SCAPER: variants seen among roughly 807,000 people sequenced by gnomAD.
SCAPER encodes the protein S phase cyclin A-associated protein in the endoplasmic reticulum.
In SCAPER, 98 loss-of-function variants were observed where a neutral mutation model predicts 182.2. The observed-to-expected ratio is 0.54, with a 90% confidence interval of 0.46 to 0.64. SCAPER has a LOEUF of 0.64. SCAPER is among the 30% of genes least tolerant of loss of function. SCAPER has a pLI of 0.00. For missense variants in SCAPER, 1,432 were observed against 1,690.0 expected (o/e 0.85, Z 2.68); for synonymous variants, 605 against 564.6 (o/e 1.07, Z -1.01).
At chr15:76,653,163 G>C (rs2055319223) in intron 21 of SCAPER, among the ~76,000 whole-genome samples, 1 of 151,892 alleles carries the variant, frequency 6.6e-6, no homozygotes, top group Admixed American at 6.6e-5. Flanking sequence ...TGACCAAGGA[G>C]GAGAAAGACT....
chr15:76,603,938 G>A lies in SCAPER; in HGVS notation c.2711+17826C>T, dbSNP rs2050126905. ...TCTGGATATTAGCCCTTTGTCAGAT[G>A]AGTAGGTTGCAAAAATCTTCTCCCA... On this transcript the variant is annotated intron_variant, in intron 22 of 31. Transcript: ENST00000563290. 2.5e-5 allele frequency among the ~76,000 whole-genome samples: 3 copies of A among 121,434 alleles called. 1 individual carries two copies. Among genetic ancestry groups the A allele is most frequent in the Admixed American group, 9.3e-5 (1 of 10,726 alleles). 79.7% of individuals were successfully genotyped at this position (121,434 alleles called of 152,430 possible). A position where few individuals can be genotyped will look rare whatever the true frequency, so the allele number is the denominator to read the frequency against.
At chr15:76,710,927 T>C (rs375325649) in intron 17 of SCAPER, among the ~76,000 whole-genome samples, 2 of 152,132 alleles carry the variant, frequency 1.3e-5, no homozygotes, top group Non-Finnish European at 2.9e-5. Flanking sequence ...GAATATATCA[T>C]TGCATCAATG....
At position 76,593,632 on chromosome 15, in the gene SCAPER, C is replaced by CA. The variant is rs2145704587; in HGVS notation, c.2712-19349dup. Among the ~76,000 whole-genome samples, 2 of 121,252 alleles carry CA rather than the reference C, an allele frequency of 1.6e-5. 1 individual carries two copies. Among genetic ancestry groups the CA allele is most frequent in the South Asian group, 5.1e-4 (2 of 3,898 alleles). 79.5% of individuals were successfully genotyped at this position (121,252 alleles called of 152,430 possible). ...CAAAGCCTCCAGAGGAAAAAACAGA[C>CA]AGCAATCTTTGCTGTTCTGCAGCAT... On this transcript the variant is annotated intron_variant, in intron 22 of 31. Coordinates refer to ENST00000563290, the MANE Select transcript of SCAPER (RefSeq NM_020843.4).
At chr15:76,752,394 G>GA (rs1598515372) in intron 15 of SCAPER, among the ~76,000 whole-genome samples, 1 of 151,714 alleles carries the variant, frequency 6.6e-6, no homozygotes, top group South Asian at 2.1e-4. Flanking sequence ...ATACCCAAAA[G>GA]AATTCAAAGC....
At chr15:76,650,450 G>A (rs191043522) in intron 21 of SCAPER, among the ~76,000 whole-genome samples, 5 of 151,690 alleles carry the variant, frequency 3.3e-5, no homozygotes, top group Admixed American at 6.6e-5. Flanking sequence ...AATGGGAAAG[G>A]GAACAATTTG....
chr15:76,386,245 C>T (rs768542189), intron 27 of SCAPER, among the ~76,000 whole-genome samples: 1 of 152,224 alleles, frequency 6.6e-6, no homozygotes, highest in Non-Finnish European at 1.5e-5. Context: ...TTAATTGTAT[C>T]TGCAAGATCC....
intron 24 of SCAPER, among the ~76,000 whole-genome samples, chr15:76,487,608 TG>T (rs994617325): frequency 2.0e-5 from 3 of 152,120 alleles, no homozygotes; most frequent in Non-Finnish European, 1.5e-5. Flanking sequence ...TAGGTAAAAC[TG>T]AGGAGAGGAT....
intron 26 of SCAPER, among the ~76,000 whole-genome samples, chr15:76,412,113 A>C (rs1024112020): frequency 2.0e-5 from 3 of 152,118 alleles, no homozygotes; most frequent in African/African-American, 7.2e-5. Context: ...ATGGATATCC[A>C]GTTGTTCTAG....
chr15:76,688,102 G>A (rs1236618387), intron 20 of SCAPER, among the ~76,000 whole-genome samples: 3 of 152,146 alleles, frequency 2.0e-5, no homozygotes, highest in Non-Finnish European at 2.9e-5. Flanking sequence ...TCCAACATCT[G>A]TTGTTTCCTG....
At chr15:76,836,701 G>A (rs891031279) in intron 5 of SCAPER, among the ~76,000 whole-genome samples, 12 of 151,854 alleles carry the variant, frequency 7.9e-5, no homozygotes, top group East Asian at 1.9e-4. Context: ...GTGAAACCCC[G>A]TCTCTACTAA....
intron 15 of SCAPER, among the ~76,000 whole-genome samples, chr15:76,741,752 T>G (rs922084283): frequency 6.6e-6 from 1 of 152,114 alleles, no homozygotes; most frequent in Admixed American, 6.5e-5. Context: ...TCTAGGTTAA[T>G]GGGTGACTAG....
intron 25 of SCAPER, among the ~76,000 whole-genome samples, chr15:76,461,790 C>T (rs1161578648): frequency 6.6e-6 from 1 of 152,106 alleles, no homozygotes; most frequent in African/African-American, 2.4e-5. Context: ...GTCAAGAAAT[C>T]CCAAACACTG....
chr15:76,656,148 T>A (rs2055615193), intron 21 of SCAPER, among the ~76,000 whole-genome samples: 1 of 152,122 alleles, frequency 6.6e-6, no homozygotes, highest in South Asian at 2.1e-4. Context: ...CCATATGTTG[T>A]CTTCAATGGA....
At chr15:76,659,004 G>A (rs938102492) in intron 21 of SCAPER, among the ~76,000 whole-genome samples, 2 of 152,090 alleles carry the variant, frequency 1.3e-5, no homozygotes, top group African/African-American at 4.8e-5. Context: ...CTGGAAACAG[G>A]ACCTGGTAAA....
intron 24 of SCAPER, among the ~76,000 whole-genome samples, chr15:76,477,638 A>T (rs766739940): frequency 6.6e-6 from 1 of 152,206 alleles, no homozygotes; most frequent in African/African-American, 2.4e-5. Context: ...TATTTTTTCC[A>T]TGCTTTCACC....
chr15:76,860,503 C>A (rs527661647), intron 3 of SCAPER, among the ~76,000 whole-genome samples: 1 of 152,178 alleles, frequency 6.6e-6, no homozygotes, highest in Non-Finnish European at 1.5e-5. Flanking sequence ...TACTATAATG[C>A]CTCCATAATT....
intron 22 of SCAPER, among the ~76,000 whole-genome samples, chr15:76,594,141 T>C (rs909104068): frequency 1.7e-5 from 2 of 119,446 alleles, no homozygotes; most frequent in African/African-American, 5.1e-5. Context: ...AATGATCTGA[T>C]GGAGCTGAAA....
chr15:76,602,201 C>T (rs1159165515), intron 22 of SCAPER, among the ~76,000 whole-genome samples: 1 of 121,362 alleles, frequency 8.2e-6, no homozygotes, highest in East Asian at 2.2e-4. Context: ...TATGTTTATT[C>T]GTTCTTCAAA....
chr15:76,630,347 G>C (rs1202401585), intron 21 of SCAPER, among the ~76,000 whole-genome samples: 2 of 151,818 alleles, frequency 1.3e-5, no homozygotes, highest in Non-Finnish European at 2.9e-5. Context: ...CTAGCTTTGG[G>C]GTTTGTTTGC....
Sources: allele counts gnomAD v4.1 joint callset (sites outside exome capture counted in the v4.1 genomes callset), GRCh38; gene constraint gnomAD v4.1.1; transcripts MANE v1.5; gene names NCBI Gene and HGNC (gene_info 2026-07-23, HGNC 2026-07-21).